COL22A1: variants seen among roughly 807,000 people sequenced by gnomAD.
The protein encoded by COL22A1 is collagen alpha-1(XXII) chain.
COL22A1 carries 221 observed loss-of-function variants against 248.9 expected under a neutral mutation model. The ratio of observed to expected loss-of-function variants is 0.89; its 90% CI spans 0.80 to 0.99. The LOEUF (loss-of-function observed/expected upper bound fraction) is 0.99. COL22A1 is among the 50% of genes least tolerant of loss of function. COL22A1 has a pLI of 0.00. For missense variants in COL22A1, 2,240 were observed against 2,179.0 expected (o/e 1.03, Z -0.56); for synonymous variants, 891 against 793.4 (o/e 1.12, Z -2.07).
At chr8:138,656,261 T>A (rs1454172912) in intron 44 of COL22A1, among the ~76,000 whole-genome samples, 1 of 152,140 alleles carries the variant, frequency 6.6e-6, no homozygotes, top group African/African-American at 2.4e-5. Context: ...CAAAACCTGA[T>A]AGGTCATATG....
intron 45 of COL22A1, among the ~76,000 whole-genome samples, chr8:138,655,326 G>A (rs548358615): frequency 6.6e-6 from 1 of 152,184 alleles, no homozygotes; most frequent in East Asian, 1.9e-4. Flanking sequence ...AAAGAAAGAG[G>A]TTGGAGTGAT....
intron 31 of COL22A1, among the ~76,000 whole-genome samples, chr8:138,702,378 A>T (rs1435337448): frequency 2.6e-5 from 4 of 152,214 alleles, no homozygotes; most frequent in Non-Finnish European, 5.9e-5. Flanking sequence ...AGAGCTGTGG[A>T]ATAATGATTT....
chr8:138,829,225 C>A (rs1287442691), intron 5 of COL22A1, among the ~76,000 whole-genome samples: 1 of 152,120 alleles, frequency 6.6e-6, no homozygotes, highest in African/African-American at 2.4e-5. Flanking sequence ...GAACAGGGCC[C>A]ATCACTCATA....
At chr8:138,686,943 GTTA>G (rs1826406400) in intron 37 of COL22A1, among the ~76,000 whole-genome samples, 1 of 152,074 alleles carries the variant, frequency 6.6e-6, no homozygotes, top group African/African-American at 2.4e-5. Context: ...CATAAGGTTT[GTTA>G]TTATTATTAT....
intron 41 of COL22A1, among the ~76,000 whole-genome samples, chr8:138,664,201 G>GCGCGCA (rs1824258672): frequency 1.1e-5 from 1 of 87,812 alleles, no homozygotes; most frequent in South Asian, 4.7e-4. Context: ...GGGTGCGCGC[G>GCGCGCA]CGCGCGCGCA....
intron 11 of COL22A1, 56 bp downstream of exon 11, chr8:138,802,816 G>T: frequency 7.2e-7 from 1 of 1,387,930 alleles, no homozygotes; most frequent in Non-Finnish European, 1.0e-6. Context: ...GAGGGCCCTG[G>T]GTCCCCCACG....
intron 12 of COL22A1, among the ~76,000 whole-genome samples, chr8:138,790,746 A>T (rs1815959762): frequency 6.6e-6 from 1 of 152,224 alleles, no homozygotes; most frequent in Admixed American, 6.5e-5. Context: ...TGTCACCCAA[A>T]GGGCCCCCAC....
intron 24 of COL22A1, 76 bp downstream of exon 24, chr8:138,725,311 C>T (rs1185243765): frequency 8.2e-6 from 12 of 1,457,630 alleles, no homozygotes; most frequent in Non-Finnish European, 1.2e-5. Flanking sequence ...AGGCCATTCA[C>T]AAAGATGTCC....
intron 9 of COL22A1, among the ~76,000 whole-genome samples, chr8:138,808,556 A>G (rs1283017035): frequency 6.6e-6 from 1 of 152,218 alleles, no homozygotes; most frequent in Non-Finnish European, 1.5e-5. Flanking sequence ...ACAATGTGTA[A>G]AGATCAGGTT....
intron 41 of COL22A1, among the ~76,000 whole-genome samples, chr8:138,670,871 G>A (rs915407345): frequency 6.9e-6 from 1 of 145,908 alleles, no homozygotes. Flanking sequence ...TGAGGTGGGA[G>A]GATCACTTGA....
rs1240550991 is a variant in COL22A1, at chr8:138,588,332, G to T, written c.*921C>A. 1 of 152,160 alleles carries T rather than the reference G, an allele frequency of 6.6e-6. No homozygotes were observed. The highest frequency in any genetic ancestry group is 1.5e-5 in the Non-Finnish European group (1 of 68,036). 9.4% of individuals were successfully genotyped at this position (152,160 alleles called of 1,614,324 possible). A position where few individuals can be genotyped will look rare whatever the true frequency, so the allele number is the denominator to read the frequency against. On this transcript the variant is annotated 3_prime_UTR_variant, in exon 65 of 65. Transcript: ENST00000303045. ...TGCCATTTATTTCAGAGACAGAGCC[G>T]CCTTGGAGATACAAATTTCCCAGCT... is the stretch of plus-strand genomic sequence containing the variant.
intron 30 of COL22A1, among the ~76,000 whole-genome samples, chr8:138,710,536 G>A (rs748151258): frequency 6.6e-5 from 10 of 151,730 alleles, no homozygotes; most frequent in Non-Finnish European, 1.3e-4. Context: ...CCAGCTCCTG[G>A]TTTAAGTAGT....
chr8:138,905,716 C>G (rs1814955496), intron 1 of COL22A1, among the ~76,000 whole-genome samples: 1 of 152,168 alleles, frequency 6.6e-6, no homozygotes, highest in Non-Finnish European at 1.5e-5. Flanking sequence ...CGTTATCGGA[C>G]AAGACAGTTT....
At chr8:138,875,147 G>C (rs916606655) in intron 3 of COL22A1, among the ~76,000 whole-genome samples, 1 of 152,134 alleles carries the variant, frequency 6.6e-6, no homozygotes, top group Non-Finnish European at 1.5e-5. Flanking sequence ...AGGTTTCATC[G>C]TTTGAAGCTG....
At chr8:138,862,038 A>AAG (rs1822513169) in intron 3 of COL22A1, among the ~76,000 whole-genome samples, 1 of 150,108 alleles carries the variant, frequency 6.7e-6, no homozygotes, top group South Asian at 2.1e-4. Flanking sequence ...AAAAAAAAAA[A>AAG]AAAAAAAAAG....
rs1245122133 is a variant in COL22A1 at position 138,606,393 on chromosome 8, G to C, written c.4092C>G (p.Pro1364=). The C allele has an allele frequency of 6.2e-7, 1 of 1,612,954 alleles. No individual in the cohort carries two copies. ...GSPGLPGFLG[P]RGPPGEPGEK... is the part of the protein sequence containing the mutation. ...GTTCTCTGCTTACCGGAGGCCCACG[G>C]GGACCCAGGAAGCCAGGAAGTCCTG... is the stretch of plus-strand genomic sequence containing the variant. Residue 1364 remains proline, a synonymous_variant, in exon 58 of 65, where the codon CCC becomes CCG. Transcript: ENST00000303045.
intron 30 of COL22A1, among the ~76,000 whole-genome samples, chr8:138,704,558 AG>A (rs1319895502): frequency 6.6e-6 from 1 of 152,124 alleles, no homozygotes; most frequent in African/African-American, 2.4e-5. Flanking sequence ...CCTGCAGCTG[AG>A]GGTCCTGACT....
intron 4 of COL22A1, among the ~76,000 whole-genome samples, chr8:138,842,565 G>A (rs781602892): frequency 6.6e-6 from 1 of 152,158 alleles, no homozygotes; most frequent in Non-Finnish European, 1.5e-5. Context: ...AGCCTCGCTG[G>A]GGATTACCAA....
chr8:138,597,469 C>T (rs1167678850), intron 61 of COL22A1, among the ~76,000 whole-genome samples: 2 of 152,168 alleles, frequency 1.3e-5, no homozygotes, highest in Admixed American at 6.5e-5. Context: ...TCCACTGTGG[C>T]TCTAAACAAC....
Sources: allele counts gnomAD v4.1 joint callset (sites outside exome capture counted in the v4.1 genomes callset), GRCh38; gene constraint gnomAD v4.1.1; transcripts MANE v1.5; gene names NCBI Gene and HGNC (gene_info 2026-07-23, HGNC 2026-07-21).